The following BCAS3 variants were observed in gnomAD, a reference collection of about 807,000 sequenced individuals.
BCAS3 encodes BCAS3 microtubule associated cell migration factor.
A neutral mutation model predicts 116.1 loss-of-function variants in BCAS3; 53 were observed. That is an observed-to-expected ratio of 0.46 (90% CI 0.37 to 0.57). The LOEUF (loss-of-function observed/expected upper bound fraction) is 0.57, where lower values mean the gene tolerates loss of function less well. Among genes scored for constraint, BCAS3 ranks in the 20% least tolerant of loss-of-function variants. The pLI is 0.00. For synonymous variants in BCAS3, 391 were observed against 408.2 expected (o/e 0.96, Z 0.51); for missense variants, 917 against 1,165.4 (o/e 0.79, Z 3.10).
intron 22 of BCAS3, among the ~76,000 whole-genome samples, chr17:61,178,826 G>A (rs2079301453): frequency 6.6e-6 from 1 of 152,142 alleles, no homozygotes; most frequent in Non-Finnish European, 1.5e-5. Context: ...TAGCCTTTAA[G>A]ATGTCAAAAT....
chr17:60,945,506 A>G (rs1184877655), intron 13 of BCAS3, among the ~76,000 whole-genome samples: 1 of 152,234 alleles, frequency 6.6e-6, no homozygotes, highest in African/African-American at 2.4e-5. Flanking sequence ...ATAGAACTTC[A>G]AAAATAGGCC....
intron 22 of BCAS3, among the ~76,000 whole-genome samples, chr17:61,158,772 C>A (rs2078004710): frequency 6.6e-6 from 1 of 152,130 alleles, no homozygotes. Flanking sequence ...AGTCTGACTA[C>A]ATTTATTTAA....
chr17:61,340,456 G>T (rs1217680380), intron 22 of BCAS3, among the ~76,000 whole-genome samples: 1 of 152,100 alleles, frequency 6.6e-6, no homozygotes, highest in East Asian at 1.9e-4. Context: ...TTGACAGTTT[G>T]AGGGTAGAGG....
chr17:61,074,884 A>G, intron 19 of BCAS3, 36 bp from the exon 20 acceptor site: 1 of 1,459,074 alleles, frequency 6.9e-7, no homozygotes, highest in Non-Finnish European at 9.5e-7. Context: ...ACTGCATGGA[A>G]TGAAGTGGTT....
At chr17:60,693,885 ATT>A (rs202004899) in intron 4 of BCAS3, among the ~76,000 whole-genome samples, 7 of 131,456 alleles carry the variant, frequency 5.3e-5, no homozygotes, top group African/African-American at 9.0e-5. Flanking sequence ...AAAAATTTTA[ATT>A]TTTTTTTTTT....
intron 22 of BCAS3, among the ~76,000 whole-genome samples, chr17:61,274,584 G>A (rs1026902271): frequency 7.9e-5 from 12 of 151,806 alleles, no homozygotes; most frequent in African/African-American, 2.2e-4. Context: ...CCACTGTGCC[G>A]GCCTGAACAT....
intron 11 of BCAS3, among the ~76,000 whole-genome samples, chr17:60,910,071 G>A (rs1032515347): frequency 6.6e-5 from 10 of 152,058 alleles, no homozygotes; most frequent in Admixed American, 2.0e-4. Context: ...TTTCCACATA[G>A]GTATTCTACC....
At chr17:61,072,315 G>A in intron 19 of BCAS3, among the ~76,000 whole-genome samples, 2 of 152,082 alleles carry the variant, frequency 1.3e-5, no homozygotes, top group South Asian at 4.2e-4. Context: ...ATCAACTAAT[G>A]ACCAATCCTG....
chr17:61,366,121 C>T lies in BCAS3; in HGVS notation c.2426-2206C>T, dbSNP rs371732535. Among the ~76,000 whole-genome samples, 21 of 144,670 alleles carry T rather than the reference C, an allele frequency of 1.5e-4. No individual in the cohort carries two copies. The highest frequency in any genetic ancestry group is 4.5e-4 in the South Asian group (2 of 4,466). The allele number at this position is 144,670 out of a possible 152,430, so 94.9% of individuals were successfully genotyped here. On this transcript the variant is annotated intron_variant, in intron 22 of 23. Coordinates refer to ENST00000407086, the MANE Select transcript of BCAS3 (RefSeq NM_017679.5). This position sits in a 1 kb window ranked among gnomAD's most constrained non-coding sequence, Gnocchi z 4.5. ...TCATACCACTGCACTCCATCCTGGG[C>T]GACAGAGTGAGACTGTCTCAAAAAA... is the stretch of plus-strand genomic sequence containing the variant.
At chr17:60,749,416 G>A (rs2042264270) in intron 6 of BCAS3, among the ~76,000 whole-genome samples, 1 of 152,122 alleles carries the variant, frequency 6.6e-6, no homozygotes, top group Non-Finnish European at 1.5e-5. Flanking sequence ...AGACTTTGCA[G>A]CTTTGTGTCT....
At chr17:60,826,508 G>A (rs1398327042) in intron 7 of BCAS3, among the ~76,000 whole-genome samples, 1 of 152,066 alleles carries the variant, frequency 6.6e-6, no homozygotes, top group Non-Finnish European at 1.5e-5. Flanking sequence ...TGAATTTTGG[G>A]GGACACATTC....
intron 22 of BCAS3, among the ~76,000 whole-genome samples, chr17:61,274,165 T>A (rs895213108): frequency 2.6e-4 from 40 of 151,616 alleles, no homozygotes; most frequent in African/African-American, 8.7e-4. Flanking sequence ...TGTGTCCATG[T>A]GTTCTCATTG....
chr17:60,967,085 C>T lies in BCAS3; in HGVS notation c.1221+19733C>T, dbSNP rs1412476520. Among the ~76,000 whole-genome samples, 2 of 152,190 alleles carry T rather than the reference C, an allele frequency of 1.3e-5. No homozygotes were observed. The highest frequency in any genetic ancestry group is 4.8e-5 in the African/African-American group (2 of 41,456). On this transcript the variant is annotated intron_variant, in intron 14 of 23. Coordinates refer to ENST00000407086, the MANE Select transcript of BCAS3 (RefSeq NM_017679.5). The surrounding 1 kb of genome is among the most constrained non-coding windows in gnomAD (Gnocchi z 4.7). ...ACTAGAGTTATGAGTGGATTGTACA[C>T]CACCATTTCAGTTATAGAGTATTTT...
In BCAS3 at chr17:61,039,672, C is replaced by T. The variant is rs530391814; in HGVS notation, c.1929-1120C>T. ...TCCTGACCTCATGATCCACCCACCTCGGCCTCCCAAAGTGCTGGGATTACA... is the reference window on the plus strand; with the variant it reads ...TCCTGACCTCATGATCCACCCACCTTGGCCTCCCAAAGTGCTGGGATTACA... On this transcript the variant is annotated intron_variant, in intron 18 of 23. Transcript: ENST00000407086. Among the ~76,000 whole-genome samples the T allele has an allele frequency of 3.3e-5, 5 of 152,264 alleles. No individual in the cohort carries two copies. The South Asian group carries it at 8.3e-4, about 25-fold the overall frequency.
rs547973103 is a variant in BCAS3, at chr17:61,068,496, T to C, written c.2030-6424T>C. 6.6e-6 allele frequency among the ~76,000 whole-genome samples: 1 copy of C among 152,342 alleles called. No homozygotes were observed. Among genetic ancestry groups the C allele is most frequent in the African/African-American group, 2.4e-5 (1 of 41,580 alleles). ...TCCAGCTCCTGTCAGTTGTCTGGAC[T>C]ATGTCCATATTATTCTTGTACATGT... On this transcript the variant is annotated intron_variant, in intron 19 of 23. Coordinates refer to ENST00000407086, the MANE Select transcript of BCAS3 (RefSeq NM_017679.5). The surrounding 1 kb of genome is among the most constrained non-coding windows in gnomAD (Gnocchi z 4.3).
At chr17:61,159,739 C>T (rs2078057134) in intron 22 of BCAS3, among the ~76,000 whole-genome samples, 1 of 152,076 alleles carries the variant, frequency 6.6e-6, no homozygotes, top group African/African-American at 2.4e-5. Flanking sequence ...TTGTTTTTGC[C>T]TAAAAGATGT....
chr17:60,823,251 T>G (rs2050111403), intron 7 of BCAS3, among the ~76,000 whole-genome samples: 1 of 152,174 alleles, frequency 6.6e-6, no homozygotes, highest in South Asian at 2.1e-4. Flanking sequence ...GCACCCTTGA[T>G]TTTAGTTTTT....
At chr17:61,297,399 T>C (rs1036195720) in intron 22 of BCAS3, among the ~76,000 whole-genome samples, 1 of 151,928 alleles carries the variant, frequency 6.6e-6, no homozygotes, top group African/African-American at 2.4e-5. Flanking sequence ...TTTTCTTTAT[T>C]GGCTTAGACT....
rs1281158053 is a variant in BCAS3, at chr17:61,045,892, A to AT, written c.2029+5001dup. Among the ~76,000 whole-genome samples the AT allele has an allele frequency of 1.0e-4, 4 of 39,942 alleles. No homozygotes were observed. The East Asian group carries it at 2.9e-3, about 29-fold the overall frequency. 26.2% of individuals were successfully genotyped at this position (39,942 alleles called of 152,430 possible). ...ATATATATAAATATATATTATATAT[A>AT]TAATATATATAAATATATATTTATA... is the stretch of plus-strand genomic sequence containing the variant. On this transcript the variant is annotated intron_variant, in intron 19 of 23. Coordinates refer to ENST00000407086, the MANE Select transcript of BCAS3 (RefSeq NM_017679.5).
Sources: gnomAD v4.1 joint callset for allele counts (sites outside exome capture counted in the v4.1 genomes callset) on GRCh38, gnomAD v4.1.1 for gene constraint, Gnocchi (gnomAD v3.1) non-coding constraint, MANE v1.5 for transcripts, NCBI Gene and HGNC (gene_info 2026-07-23, HGNC 2026-07-21) for gene names.